DYNC2H1: variants seen among roughly 807,000 people sequenced by gnomAD.
DYNC2H1 encodes the protein cytoplasmic dynein 2 heavy chain 1.
In DYNC2H1, 410 loss-of-function variants were observed where a neutral mutation model predicts 570.0. The observed-to-expected ratio is 0.72, with a 90% CI of 0.66 to 0.78. DYNC2H1 has a LOEUF of 0.78. Among genes scored for constraint, DYNC2H1 ranks in the 30% least tolerant of loss-of-function variants. The pLI is 0.00. For synonymous variants in DYNC2H1, 1,688 were observed against 1,677.6 expected (o/e 1.01, Z -0.15); for missense variants, 4,865 against 5,046.4 (o/e 0.96, Z 1.09).
chr11:103,116,550 A>C lies in DYNC2H1; in HGVS notation c.622-20A>C, dbSNP rs1181392155. 1 of 1,562,584 alleles carries C rather than the reference A, an allele frequency of 6.4e-7. No homozygotes were observed. The highest frequency in any genetic ancestry group is 1.4e-5 in the African/African-American group (1 of 73,250). ...GGTACAAATATAATTATGTTTAAAA[A>C]TTAATGCATTTTTTTCTAGGAGTTT... On this transcript the variant is annotated intron_variant, in intron 4 of 88. Transcript: ENST00000375735.
intron 88 of DYNC2H1, among the ~76,000 whole-genome samples, chr11:103,473,086 A>G (rs1404439170): frequency 6.6e-6 from 1 of 152,228 alleles, no homozygotes; most frequent in Non-Finnish European, 1.5e-5. Flanking sequence ...CTATTGGGGC[A>G]TGAAGAGGAA....
At chr11:103,309,346 T>A (rs1002684758) in intron 78 of DYNC2H1, among the ~76,000 whole-genome samples, 1 of 148,550 alleles carries the variant, frequency 6.7e-6, no homozygotes, top group African/African-American at 2.5e-5. Context: ...ATAATTTTTT[T>A]ATTTCTTTTC....
rs189518666 is a variant in DYNC2H1, at chr11:103,149,857, C to G, written c.2946+1240C>G. On this transcript the variant is annotated intron_variant, in intron 20 of 88. Coordinates refer to ENST00000375735, the MANE Select transcript of DYNC2H1 (RefSeq NM_001377.3). ...GAGAAGTGAGGATGAGTATGCTCAA[C>G]TAGGGGTTATTACTTAGGGTGGGTG... Among the ~76,000 whole-genome samples the G allele has an allele frequency of 1.4e-3, 220 of 151,876 alleles. 2 individuals are homozygous for G. The highest frequency in any genetic ancestry group is 5.2e-3 in the African/African-American group (215 of 41,434).
chr11:103,282,203 G>A lies in DYNC2H1; in HGVS notation c.10786G>A (p.Val3596Ile). The change falls in exon 72 of 89, where the codon GTT becomes ATT. Residue 3596 changes from valine (V) to isoleucine (I), a missense_variant. Around this residue, in one of 5 missense-constraint regions of DYNC2H1, gnomAD observed 2,401 missense variants for 2,454.6 expected, o/e 0.98. Coordinates refer to ENST00000375735, the MANE Select transcript of DYNC2H1 (RefSeq NM_001377.3). The part of the protein sequence containing the change: ...ENEWDTFTGV[V>I]VGDMLRKADS... Reference sequence around the variant, plus strand: ...GGAATGGGATACGTTTACAGGTGTGGTTGTTGGAGACATGTTACGGAAAGC... The same window carrying A: ...GGAATGGGATACGTTTACAGGTGTGATTGTTGGAGACATGTTACGGAAAGC... 6.2e-7 allele frequency: 1 copy of A among 1,608,002 alleles called. No individual in the cohort carries two copies. The highest frequency in any genetic ancestry group is 8.5e-7 in the Non-Finnish European group (1 of 1,177,420).
intron 19 of DYNC2H1, among the ~76,000 whole-genome samples, chr11:103,148,240 T>C (rs1860345148): frequency 6.6e-6 from 1 of 152,202 alleles, no homozygotes; most frequent in African/African-American, 2.4e-5. Context: ...AGACGAAAAA[T>C]GCAGTAATGC....
chr11:103,142,841 T>C (rs1860025537), intron 17 of DYNC2H1, among the ~76,000 whole-genome samples: 1 of 152,240 alleles, frequency 6.6e-6, no homozygotes, highest in African/African-American at 2.4e-5. Flanking sequence ...GTATTTCTCA[T>C]TTGTATTGAT....
At chr11:103,353,368 G>A (rs964036206) in intron 82 of DYNC2H1, among the ~76,000 whole-genome samples, 2 of 152,084 alleles carry the variant, frequency 1.3e-5, no homozygotes, top group African/African-American at 4.8e-5. Flanking sequence ...GGTCATGCTT[G>A]TTGATTGTGT....
chr11:103,154,322 ATATC>A, intron 22 of DYNC2H1, 125 bp from the exon 23 acceptor site: 1 of 679,714 alleles, frequency 1.5e-6, no homozygotes, highest in South Asian at 3.4e-5. Flanking sequence ...TTCTTATTGT[ATATC>A]TATTAAACAT....
Position 103,179,121 on chromosome 11 carries a change from C to T in DYNC2H1, c.6235C>T (p.Pro2079Ser). ...VLDDNRLLTMPSGERIQFGPN... is the reference protein window; with the variant it reads ...VLDDNRLLTMSSGERIQFGPN... ...GGATGATAATCGACTGCTGACTATG[C>T]CCAGTGGAGAAAGGATTCAGTTTGG... The change falls in exon 39 of 89, where the codon CCC (proline) becomes TCC (serine). Residue 2079 changes from proline (P) to serine (S), a missense_variant. Pro to Ser is a moderately conservative substitution (Grantham distance 74). Transcript: ENST00000375735. 5.6e-6 allele frequency: 9 copies of T among 1,613,074 alleles called. No individual in the cohort carries two copies. The highest frequency in any genetic ancestry group is 7.6e-6 in the Non-Finnish European group (9 of 1,179,372).
At position 103,468,716 on chromosome 11, in the gene DYNC2H1, T is replaced by C; in HGVS notation, c.12765+11T>C. The C allele has an allele frequency of 1.3e-6, 2 of 1,574,372 alleles. No individual in the cohort carries two copies. Among genetic ancestry groups the C allele is most frequent in the South Asian group, 2.3e-5 (2 of 88,868 alleles). Reference sequence around the variant, plus strand: ...GGCTGGATTCCACAGGTAATACATTTTTAACAAGCACAAGTTTTAATTATA... The same window carrying C: ...GGCTGGATTCCACAGGTAATACATTCTTAACAAGCACAAGTTTTAATTATA... On this transcript the variant is annotated intron_variant, in intron 88 of 88. Coordinates refer to ENST00000375735, the MANE Select transcript of DYNC2H1 (RefSeq NM_001377.3).
At position 103,199,378 on chromosome 11, in the gene DYNC2H1, A is replaced by G; in HGVS notation, c.7990A>G (p.Ile2664Val). The G allele has an allele frequency of 6.2e-7, 1 of 1,611,370 alleles. No homozygotes were observed. The highest frequency in any genetic ancestry group is 8.5e-7 in the Non-Finnish European group (1 of 1,179,044). ...ACGCAGTGGTGTAGGTCGTCGGACC[A>G]TCACTTCTTTAGTCAGTCACATGCA... Reference protein sequence around the residue: ...AGRSGVGRRTITSLVSHMHGA... With the variant: ...AGRSGVGRRTVTSLVSHMHGA... Residue 2664 changes from isoleucine (I) to valine (V), a missense_variant, in exon 49 of 89, where the codon ATC becomes GTC. Ile to Val is a conservative substitution (Grantham distance 29). This residue lies in a region of DYNC2H1 where 2,401 missense variants were observed against 2,454.6 expected (regional missense o/e 0.98). Transcript: ENST00000375735. This position sits in a 1 kb window ranked among gnomAD's most constrained non-coding sequence, Gnocchi z 4.6.
Position 103,479,290 on chromosome 11 carries a change from A to G in DYNC2H1, c.*37A>G, listed in dbSNP as rs1945670284. ...AACAAAAGCCATCTTCACAAAAGGG[A>G]ACATTGATTCTTTAAGCTTTAAATC... On this transcript the variant is annotated 3_prime_UTR_variant, in exon 89 of 89. Coordinates refer to ENST00000375735, the MANE Select transcript of DYNC2H1 (RefSeq NM_001377.3). The G allele has an allele frequency of 2.5e-6, 4 of 1,586,660 alleles. 1 individual carries two copies. The Admixed American group carries it at 5.3e-5, about 21-fold the overall frequency.
chr11:103,336,897 A>C (rs1444596351), intron 82 of DYNC2H1, among the ~76,000 whole-genome samples: 1 of 151,766 alleles, frequency 6.6e-6, no homozygotes, highest in African/African-American at 2.4e-5. Context: ...TTTTTTTTGG[A>C]TATATACCCA....
At chr11:103,300,859 G>A (rs974340845) in intron 75 of DYNC2H1, among the ~76,000 whole-genome samples, 7 of 151,584 alleles carry the variant, frequency 4.6e-5, no homozygotes, top group African/African-American at 1.5e-4. Flanking sequence ...GACAGTTTTT[G>A]TACTGGCATG....
intron 85 of DYNC2H1, among the ~76,000 whole-genome samples, chr11:103,447,639 A>G (rs1944470751): frequency 6.6e-6 from 1 of 152,174 alleles, no homozygotes; most frequent in South Asian, 2.1e-4. Flanking sequence ...ATCTGCATCC[A>G]TCACTAGACA....
At chr11:103,206,851 A>C (rs980237350) in intron 52 of DYNC2H1, among the ~76,000 whole-genome samples, 2 of 151,916 alleles carry the variant, frequency 1.3e-5, no homozygotes, top group Non-Finnish European at 2.9e-5. Context: ...ATGTGGGTAC[A>C]CTCTTTTAAG....
At position 103,125,299 on chromosome 11, in the gene DYNC2H1, T is replaced by A. The variant is rs762618094; in HGVS notation, c.1857+4T>A. On this transcript the variant is annotated splice_donor_region_variant and intron_variant, in intron 12 of 88. Transcript: ENST00000375735. ...GCAAGCAATTATTCTTAAACAAGTA[T>A]GAAATTACATTTTTTGAATACCTGC... 1.3e-6 allele frequency: 2 copies of A among 1,584,854 alleles called. No individual in the cohort carries two copies. Among genetic ancestry groups the A allele is most frequent in the African/African-American group, 2.7e-5 (2 of 74,046 alleles).
chr11:103,118,059 A>T (rs1045423862), intron 6 of DYNC2H1, among the ~76,000 whole-genome samples, 196 bp downstream of exon 6: 4 of 152,168 alleles, frequency 2.6e-5, no homozygotes, highest in African/African-American at 7.2e-5. Flanking sequence ...TCAACTTGAT[A>T]GTTGTGAGCT....
Position 103,170,913 on chromosome 11 carries a change from A to G in DYNC2H1, c.5179A>G (p.Ile1727Val). 1 of 1,580,354 alleles carries G rather than the reference A, an allele frequency of 6.3e-7. No homozygotes were observed. The highest frequency in any genetic ancestry group is 8.6e-7 in the Non-Finnish European group (1 of 1,159,268). ...CATCGATGTGAAGTCAATGGGACGA[A>G]TATTTGTTGGTTTGGTGAAGTGTGG... Reference protein sequence around the residue: ...EGIDVKSMGRIFVGLVKCGAW... With the variant: ...EGIDVKSMGRVFVGLVKCGAW... Residue 1727 changes from isoleucine (I) to valine (V), a missense_variant, in exon 34 of 89, where the codon ATA (isoleucine) becomes GTA (valine). Ile to Val is a conservative substitution (Grantham distance 29). Transcript: ENST00000375735. This position sits in a 1 kb window ranked among gnomAD's most constrained non-coding sequence, Gnocchi z 4.8.
Sources: gnomAD v4.1 joint callset for allele counts (sites outside exome capture counted in the v4.1 genomes callset) on GRCh38, gnomAD v4.1.1 for gene constraint, gnomAD v4.1.1 regional missense constraint, Gnocchi (gnomAD v3.1) non-coding constraint, MANE v1.5 for transcripts, NCBI Gene and HGNC (gene_info 2026-07-23, HGNC 2026-07-21) for gene names.